CTNNA2: variants seen among roughly 807,000 people sequenced by gnomAD.
The protein encoded by CTNNA2 is catenin alpha 2, also known as catenin alpha-2.
A neutral mutation model predicts 101.0 loss-of-function variants in CTNNA2; 42 were observed. That is an observed-to-expected ratio of 0.42 (90% CI 0.32 to 0.54). The LOEUF is 0.54. Ranked by LOEUF, CTNNA2 falls within the 20% of genes least tolerant of loss-of-function variation. The pLI, the probability that CTNNA2 is intolerant of heterozygous loss-of-function variation, is 0.14. For missense variants in CTNNA2, 871 were observed against 1,223.1 expected (o/e 0.71, Z 4.29); for synonymous variants, 450 against 456.4 (o/e 0.99, Z 0.18).
chr2:79,619,612 T>C (rs900578361), intron 1 of CTNNA2, among the ~76,000 whole-genome samples: 2 of 152,236 alleles, frequency 1.3e-5, no homozygotes, highest in Admixed American at 1.3e-4. Flanking sequence ...CGTAATATTG[T>C]GGGTGAATGG....
chr2:79,638,009 A>G (rs1179513572), intron 1 of CTNNA2, among the ~76,000 whole-genome samples: 1 of 152,188 alleles, frequency 6.6e-6, no homozygotes, highest in Non-Finnish European at 1.5e-5. Context: ...TTCCTCCATG[A>G]CTGTCTGATA....
intron 7 of CTNNA2, among the ~76,000 whole-genome samples, chr2:79,961,770 C>T (rs1404755211): frequency 6.8e-6 from 1 of 146,488 alleles, no homozygotes; most frequent in Non-Finnish European, 1.5e-5. Context: ...TGCGGTGAGC[C>T]GAGATCGTGC....
intron 15 of CTNNA2, among the ~76,000 whole-genome samples, chr2:80,600,504 AAG>A (rs1260886444): frequency 1.3e-5 from 2 of 152,144 alleles, no homozygotes; most frequent in African/African-American, 4.8e-5. Context: ...GCAATTTAGA[AAG>A]AGTCAATAGA....
At chr2:79,597,776 C>G (rs112663476) in intron 1 of CTNNA2, among the ~76,000 whole-genome samples, 3,294 of 152,238 alleles carry the variant, frequency 0.022, 123 homozygotes, top group African/African-American at 0.073. Flanking sequence ...AGAACCTACA[C>G]TGATGCCCTA....
At chr2:79,633,009 G>A (rs1465899127) in intron 1 of CTNNA2, among the ~76,000 whole-genome samples, 4 of 152,182 alleles carry the variant, frequency 2.6e-5, no homozygotes, top group Non-Finnish European at 5.9e-5. Flanking sequence ...ATTTTCACTG[G>A]GGGGCTGTAG....
chr2:79,853,309 T>G (rs1680873907), intron 3 of CTNNA2, among the ~76,000 whole-genome samples: 1 of 151,946 alleles, frequency 6.6e-6, no homozygotes, highest in South Asian at 2.1e-4. Context: ...GCAATTTGAT[T>G]TTTAAATTTT....
chr2:79,655,885 C>G (rs1476873054), intron 2 of CTNNA2, among the ~76,000 whole-genome samples: 1 of 151,886 alleles, frequency 6.6e-6, no homozygotes, highest in Non-Finnish European at 1.5e-5. Flanking sequence ...ATCTAAAGTC[C>G]TTCTGTTGCA....
At chr2:80,502,442 C>T (rs1255680537) in intron 9 of CTNNA2, among the ~76,000 whole-genome samples, 1 of 152,238 alleles carries the variant, frequency 6.6e-6, no homozygotes, top group Non-Finnish European at 1.5e-5. Flanking sequence ...TGCAGGCCCT[C>T]TTTTCACACA....
At position 79,872,896 on chromosome 2, in the gene CTNNA2, A is replaced by G. The variant is rs567170075; in HGVS notation, c.586-1180A>G. On this transcript the variant is annotated intron_variant, in intron 5 of 18. Coordinates refer to ENST00000402739, the MANE Select transcript of CTNNA2 (RefSeq NM_001282597.3). Reference sequence around the variant, plus strand: ...AGCTGGCAATCCTGCATGGCTCTCAAAGAGCAACACTGCTTTAACATTTCT... The same window carrying G: ...AGCTGGCAATCCTGCATGGCTCTCAGAGAGCAACACTGCTTTAACATTTCT... Among the ~76,000 whole-genome samples, 5 of 152,344 alleles carry G rather than the reference A, an allele frequency of 3.3e-5. No individual in the cohort carries two copies. In the South Asian group the frequency reaches 1.0e-3, roughly 32 times the overall value.
chr2:79,509,252 A>C (rs967702372), upstream of CTNNA2, among the ~76,000 whole-genome samples: 1 of 151,996 alleles, frequency 6.6e-6, no homozygotes, highest in African/African-American at 2.4e-5. Flanking sequence ...CAGGGGTTCA[A>C]TTGATACATA....
intron 1 of CTNNA2, among the ~76,000 whole-genome samples, chr2:79,629,315 A>T (rs1158057173): frequency 1.3e-5 from 2 of 152,258 alleles, no homozygotes; most frequent in African/African-American, 4.8e-5. Context: ...TAAAGAATAT[A>T]AAGAAGAATA....
intron 7 of CTNNA2, among the ~76,000 whole-genome samples, chr2:80,310,713 T>A (rs1188667682): frequency 6.6e-6 from 1 of 152,168 alleles, no homozygotes; most frequent in East Asian, 1.9e-4. Flanking sequence ...AATACTTTAT[T>A]ATAAAAAATG....
intron 2 of CTNNA2, among the ~76,000 whole-genome samples, chr2:79,308,409 A>G (rs1472406816): frequency 1.1e-4 from 17 of 152,110 alleles, no homozygotes; most frequent in Non-Finnish European, 2.5e-4. Flanking sequence ...AGCTTCTTGT[A>G]TATTCTGGAT....
At chr2:80,526,684 C>T (rs1029852150) in intron 9 of CTNNA2, among the ~76,000 whole-genome samples, 13 of 152,096 alleles carry the variant, frequency 8.5e-5, no homozygotes, top group African/African-American at 3.1e-4. Context: ...AATGACAGTA[C>T]CTTCTTCGTG....
intron 2 of CTNNA2, among the ~76,000 whole-genome samples, chr2:79,262,167 A>G (rs536404227): frequency 6.6e-6 from 1 of 152,034 alleles, no homozygotes; most frequent in Non-Finnish European, 1.5e-5. Context: ...AAGGTGGGGA[A>G]AAAATACAAT....
intron 15 of CTNNA2, among the ~76,000 whole-genome samples, chr2:80,600,735 T>C (rs780779673): frequency 2.0e-5 from 3 of 152,088 alleles, no homozygotes; most frequent in African/African-American, 4.8e-5. Context: ...TCCGCCTCCT[T>C]CTGGGCTCAA....
At chr2:80,468,119 A>G (rs747484266) in intron 9 of CTNNA2, among the ~76,000 whole-genome samples, 1 of 152,146 alleles carries the variant, frequency 6.6e-6, no homozygotes, top group Non-Finnish European at 1.5e-5. Flanking sequence ...CCTGTGGCCT[A>G]TTCTTTTGGA....
At chr2:80,313,573 G>C in intron 7 of CTNNA2, 1 of 1,611,228 alleles carries the variant, frequency 6.2e-7, no homozygotes, top group Non-Finnish European at 8.5e-7. Flanking sequence ...TGGATGGATG[G>C]AGAAGGCCAC....
chr2:80,530,053 A>C (rs1213592326), intron 9 of CTNNA2, among the ~76,000 whole-genome samples: 2 of 152,078 alleles, frequency 1.3e-5, no homozygotes, highest in African/African-American at 4.8e-5. Context: ...CTGAAGGTGA[A>C]AGCAAATGCA....
Sources: allele counts gnomAD v4.1 joint callset (sites outside exome capture counted in the v4.1 genomes callset), GRCh38; gene constraint gnomAD v4.1.1; transcripts MANE v1.5; gene names NCBI Gene and HGNC (gene_info 2026-07-23, HGNC 2026-07-21).